COL28A1: variants seen among roughly 807,000 people sequenced by gnomAD.
COL28A1 encodes the protein collagen type XXVIII alpha 1 chain.
Under a neutral mutation model 150.2 loss-of-function variants are expected in COL28A1, and 161 were observed. The ratio of observed to expected loss-of-function variants is 1.07; its 90% CI spans 0.94 to 1.22. The LOEUF is 1.22. COL28A1 is among the 50% of genes most tolerant of loss of function. The pLI is 0.00. For synonymous variants in COL28A1, 552 were observed against 469.7 expected, an observed-to-expected ratio of 1.18 and a Z score of -2.26; for missense variants, 1,617 against 1,388.3, an observed-to-expected ratio of 1.16 and a Z score of -2.62.
chr7:7,359,904 T>A (rs1467309844), intron 34 of COL28A1, among the ~76,000 whole-genome samples: 1 of 152,186 alleles, frequency 6.6e-6, no homozygotes, highest in Non-Finnish European at 1.5e-5. Flanking sequence ...TTGTCTCTCA[T>A]GTTCTGCAGA....
At chr7:7,367,733 C>T (rs1045373898) in intron 33 of COL28A1, among the ~76,000 whole-genome samples, 13 of 151,698 alleles carry the variant, frequency 8.6e-5, no homozygotes, top group African/African-American at 3.1e-4. Flanking sequence ...CTTACTTTTC[C>T]TCATTACGTG....
chr7:7,402,826 C>T (rs1264627619), intron 27 of COL28A1, among the ~76,000 whole-genome samples: 1 of 152,126 alleles, frequency 6.6e-6, no homozygotes. Flanking sequence ...CAGCACTTAC[C>T]ACAGTACCCA....
intron 18 of COL28A1, among the ~76,000 whole-genome samples, chr7:7,451,231 C>CTT (rs111414835): frequency 4.1e-5 from 6 of 144,698 alleles, no homozygotes; most frequent in Admixed American, 2.8e-4. Context: ...TGAAATACTT[C>CTT]TTTTTTTTTT....
At chr7:7,489,893 C>T (rs974189632) in intron 12 of COL28A1, among the ~76,000 whole-genome samples, 11 of 149,802 alleles carry the variant, frequency 7.3e-5, no homozygotes, top group African/African-American at 2.7e-4. Flanking sequence ...GAAAACTTCT[C>T]CATAACTCTG....
At chr7:7,514,555 AT>A (rs1380890069) in intron 8 of COL28A1, among the ~76,000 whole-genome samples, 2 of 152,202 alleles carry the variant, frequency 1.3e-5, no homozygotes, top group African/African-American at 2.4e-5. Context: ...CACCCCTAAT[AT>A]TTGCAGGGCC....
chr7:7,440,773 G>A lies in COL28A1; in HGVS notation c.1722+17C>T. ...TACAAACTCCTCAAAGCGTAAGTCA[G>A]AATACAAGAAACATACCTTTGGTCC... On this transcript the variant is annotated intron_variant, in intron 21 of 34. Coordinates refer to ENST00000399429, the MANE Select transcript of COL28A1 (RefSeq NM_001037763.3). 1 of 1,148,262 alleles carries A rather than the reference G, an allele frequency of 8.7e-7. No individual in the cohort carries two copies. The highest frequency in any genetic ancestry group is 1.8e-5 in the Admixed American group (1 of 55,108). 71.1% of individuals were successfully genotyped at this position (1,148,262 alleles called of 1,614,324 possible). A position where few individuals can be genotyped will look rare whatever the true frequency, so the allele number is the denominator to read the frequency against.
At chr7:7,375,831 A>G (rs1781510577) in intron 30 of COL28A1, among the ~76,000 whole-genome samples, 1 of 152,152 alleles carries the variant, frequency 6.6e-6, no homozygotes, top group Admixed American at 6.5e-5. Flanking sequence ...ACACATTAGC[A>G]CAGGGTCTGG....
Position 7,381,460 on chromosome 7 carries a change from C to T in COL28A1, c.2205+84G>A, listed in dbSNP as rs1043651329. 6.6e-6 allele frequency: 6 copies of T among 915,570 alleles called. No homozygotes were observed. In the South Asian group the frequency reaches 7.2e-5, roughly 11 times the overall value. The allele number at this position is 915,570 out of a possible 1,614,324, so 56.7% of individuals were successfully genotyped here. ...GAGAGTTGTAAGGGGAAGAGTGACA[C>T]ATATATGAGAGTTCTTCCAAAGTTA... On this transcript the variant is annotated intron_variant, in intron 28 of 34. Coordinates refer to ENST00000399429, the MANE Select transcript of COL28A1 (RefSeq NM_001037763.3).
upstream of COL28A1, among the ~76,000 whole-genome samples, chr7:7,540,631 T>C (rs1314452366): frequency 6.6e-6 from 1 of 152,200 alleles, no homozygotes; most frequent in Non-Finnish European, 1.5e-5. Context: ...CTTTGCGCTA[T>C]CCAGGCTTGT....
chr7:7,410,787 T>C (rs1176536064), intron 27 of COL28A1, among the ~76,000 whole-genome samples: 6 of 152,202 alleles, frequency 3.9e-5, no homozygotes, highest in Non-Finnish European at 8.8e-5. Flanking sequence ...GTTATGAGTT[T>C]AGAAGATGAA....
At position 7,398,309 on chromosome 7, in the gene COL28A1, T is replaced by C. The variant is rs147522078; in HGVS notation, c.2137-16697A>G. On this transcript the variant is annotated intron_variant, in intron 27 of 34. Transcript: ENST00000399429. ...TCAAATGTTCTCCATTTGGAGATTG[T>C]TTCCTGCAATCATTTTCTTAAACTT... 2.6e-4 allele frequency among the ~76,000 whole-genome samples: 39 copies of C among 152,330 alleles called. No homozygotes were observed. In the East Asian group the frequency reaches 7.1e-3, roughly 28 times the overall value.
At chr7:7,451,565 A>C (rs938636568) in intron 18 of COL28A1, among the ~76,000 whole-genome samples, 1 of 152,010 alleles carries the variant, frequency 6.6e-6, no homozygotes, top group Non-Finnish European at 1.5e-5. Flanking sequence ...ATTGCACGTC[A>C]TAAGTAGTGA....
chr7:7,517,220 C>G (rs1162253206), intron 7 of COL28A1, among the ~76,000 whole-genome samples: 2 of 151,994 alleles, frequency 1.3e-5, no homozygotes, highest in African/African-American at 4.8e-5. Flanking sequence ...TCCAGGGGGA[C>G]AAGCAGAGAG....
chr7:7,370,522 C>CA (rs1397856843), intron 33 of COL28A1, among the ~76,000 whole-genome samples: 4 of 151,948 alleles, frequency 2.6e-5, no homozygotes, highest in Admixed American at 2.6e-4. Flanking sequence ...ATAAAATATG[C>CA]AAGTTTTTAA....
chr7:7,440,408 G>C (rs1455604096), intron 21 of COL28A1, among the ~76,000 whole-genome samples: 6 of 152,178 alleles, frequency 3.9e-5, no homozygotes, highest in African/African-American at 1.4e-4. Flanking sequence ...GCCTTCCAAA[G>C]AAGAGCCTTC....
In COL28A1 at chr7:7,405,935, T is replaced by A. The variant is rs139744014; in HGVS notation, c.2136+11924A>T. Reference sequence around the variant, plus strand: ...AATTTACTAAATATATACCCTATCATGGGGCAAAACCAAAGCATATAAAAG... The same window carrying A: ...AATTTACTAAATATATACCCTATCAAGGGGCAAAACCAAAGCATATAAAAG... On this transcript the variant is annotated intron_variant, in intron 27 of 34. Coordinates refer to ENST00000399429, the MANE Select transcript of COL28A1 (RefSeq NM_001037763.3). Among the ~76,000 whole-genome samples the A allele has an allele frequency of 4.0e-3, 602 of 152,274 alleles. 3 individuals are homozygous for A. Among genetic ancestry groups the A allele is most frequent in the Non-Finnish European group, 6.6e-3 (450 of 67,990 alleles).
chr7:7,516,004 GA>G (rs1448441632), intron 7 of COL28A1, among the ~76,000 whole-genome samples, 164 bp from the exon 8 acceptor site: 1 of 152,216 alleles, frequency 6.6e-6, no homozygotes, highest in Non-Finnish European at 1.5e-5. Context: ...TGTGCTTGGA[GA>G]AATATACATT....
intron 18 of COL28A1, among the ~76,000 whole-genome samples, chr7:7,444,851 C>A (rs889606413): frequency 2.6e-5 from 4 of 152,086 alleles, no homozygotes; most frequent in Non-Finnish European, 4.4e-5. Flanking sequence ...GTGTCCCCAC[C>A]CAAATCTTAT....
At chr7:7,391,352 T>G (rs1233634861) in intron 27 of COL28A1, among the ~76,000 whole-genome samples, 1 of 152,212 alleles carries the variant, frequency 6.6e-6, no homozygotes. Flanking sequence ...TTGTTTGTTA[T>G]GATTTCCATT....
Sources: gnomAD v4.1 joint callset for allele counts (sites outside exome capture counted in the v4.1 genomes callset) on GRCh38, gnomAD v4.1.1 for gene constraint, MANE v1.5 for transcripts, NCBI Gene and HGNC (gene_info 2026-07-23, HGNC 2026-07-21) for gene names.